The following NOS1AP variants were observed in gnomAD, a reference collection of about 807,000 sequenced individuals.
NOS1AP encodes carboxyl-terminal PDZ ligand of neuronal nitric oxide synthase protein.
A neutral mutation model predicts 56.2 loss-of-function variants in NOS1AP; 21 were observed. The observed-to-expected ratio is 0.37, with a 90% CI of 0.26 to 0.54. The LOEUF is 0.54. Among genes scored for constraint, NOS1AP ranks in the 20% least tolerant of loss-of-function variants. The pLI, the probability that NOS1AP is intolerant of heterozygous loss-of-function variation, is 0.84. For synonymous variants in NOS1AP, 270 were observed against 274.6 expected, an observed-to-expected ratio of 0.98 and a Z score of 0.17; for missense variants, 522 against 657.8, an observed-to-expected ratio of 0.79 and a Z score of 2.26.
intron 1 of NOS1AP, among the ~76,000 whole-genome samples, chr1:162,094,210 C>T (rs1298045785): frequency 2.6e-5 from 4 of 152,192 alleles, no homozygotes; most frequent in Non-Finnish European, 5.9e-5. Flanking sequence ...ACTCTTGCCT[C>T]ACTCTGAAAG....
chr1:162,243,955 G>C (rs1468054617), intron 2 of NOS1AP, among the ~76,000 whole-genome samples: 1 of 152,188 alleles, frequency 6.6e-6, no homozygotes. Context: ...GTGAGTCCCA[G>C]GTTCCCACTA....
At chr1:162,288,475 C>A (rs1456397778) in intron 3 of NOS1AP, among the ~76,000 whole-genome samples, 1 of 152,078 alleles carries the variant, frequency 6.6e-6, no homozygotes, top group African/African-American at 2.4e-5. Context: ...ATTTGAAGAA[C>A]CATATAGCTG....
intron 2 of NOS1AP, among the ~76,000 whole-genome samples, chr1:162,286,744 A>C (rs1645506812): frequency 6.6e-6 from 1 of 152,210 alleles, no homozygotes; most frequent in Non-Finnish European, 1.5e-5. Flanking sequence ...AATATAATTA[A>C]ATAAAACTTA....
At chr1:162,236,233 C>T (rs1321002645) in intron 2 of NOS1AP, among the ~76,000 whole-genome samples, 1 of 152,208 alleles carries the variant, frequency 6.6e-6, no homozygotes, top group East Asian at 1.9e-4. Context: ...ATGCTAGTAG[C>T]TGTCCAACTT....
chr1:162,277,099 C>T (rs1654758881), intron 2 of NOS1AP, among the ~76,000 whole-genome samples: 1 of 152,094 alleles, frequency 6.6e-6, no homozygotes, highest in Non-Finnish European at 1.5e-5. Context: ...AAATAAAGAA[C>T]CCTTGGCTCT....
At chr1:162,303,926 T>A (rs1037264801) in intron 4 of NOS1AP, among the ~76,000 whole-genome samples, 31 of 117,962 alleles carry the variant, frequency 2.6e-4, no homozygotes, top group African/African-American at 8.3e-4. Flanking sequence ...TTTTTTTTTT[T>A]AAATAGTGTC....
intron 2 of NOS1AP, among the ~76,000 whole-genome samples, chr1:162,218,182 T>A (rs188797857): frequency 6.6e-6 from 1 of 152,214 alleles, no homozygotes; most frequent in South Asian, 2.1e-4. Flanking sequence ...AAGATTCTAT[T>A]TGAAGCAGTT....
intron 2 of NOS1AP, among the ~76,000 whole-genome samples, chr1:162,221,719 A>G (rs1652787988): frequency 6.6e-6 from 1 of 152,236 alleles, no homozygotes; most frequent in South Asian, 2.1e-4. Flanking sequence ...GACTGTTAGT[A>G]AATATTAAAT....
rs1052883976 is a variant in NOS1AP, at chr1:162,365,665, T to C, written c.1105+96T>C. On this transcript the variant is annotated intron_variant, in intron 9 of 9. Transcript: ENST00000361897. The stretch of plus-strand genomic sequence containing the variant: ...TTTTGGTGGTGCTTTCTTGGACCCC[T>C]GACCTACCCCTATATTCCAGCAGAA... 4.8e-6 allele frequency: 7 copies of C among 1,451,940 alleles called. No individual in the cohort carries two copies. The Admixed American group carries it at 1.3e-4, about 26-fold the overall frequency. 89.9% of individuals were successfully genotyped at this position (1,451,940 alleles called of 1,614,324 possible).
At chr1:162,292,254 C>T (rs1469563334) in intron 3 of NOS1AP, among the ~76,000 whole-genome samples, 1 of 152,206 alleles carries the variant, frequency 6.6e-6, no homozygotes, top group East Asian at 1.9e-4. Flanking sequence ...TCTCTTTCCC[C>T]CATAGTTTGT....
chr1:162,221,641 A>T (rs1652786500), intron 2 of NOS1AP, among the ~76,000 whole-genome samples: 1 of 152,070 alleles, frequency 6.6e-6, no homozygotes, highest in African/African-American at 2.4e-5. Flanking sequence ...TACTTAAGGC[A>T]GATTACTAAA....
intron 2 of NOS1AP, among the ~76,000 whole-genome samples, chr1:162,228,162 G>A (rs1422888955): frequency 6.6e-6 from 1 of 152,190 alleles, no homozygotes; most frequent in African/African-American, 2.4e-5. Flanking sequence ...GGGCTGGAAA[G>A]TTTGAAGGAG....
At chr1:162,276,311 G>A (rs892466886) in intron 2 of NOS1AP, among the ~76,000 whole-genome samples, 1 of 152,086 alleles carries the variant, frequency 6.6e-6, no homozygotes, top group Non-Finnish European at 1.5e-5. Flanking sequence ...GTGCAGCTTT[G>A]GAGTTACCTA....
intron 2 of NOS1AP, among the ~76,000 whole-genome samples, chr1:162,271,276 G>A (rs991374385): frequency 1.2e-4 from 17 of 147,568 alleles, no homozygotes; most frequent in African/African-American, 4.3e-4. Flanking sequence ...GGAGTCCAGC[G>A]ATGGTACCCC....
chr1:162,125,480 C>G (rs1453153130), intron 1 of NOS1AP, among the ~76,000 whole-genome samples: 1 of 152,056 alleles, frequency 6.6e-6, no homozygotes, highest in African/African-American at 2.4e-5. Context: ...TAGTTTCATT[C>G]TTCTCTACTT....
chr1:162,290,936 T>C (rs1655265984), intron 3 of NOS1AP, among the ~76,000 whole-genome samples: 2 of 152,084 alleles, frequency 1.3e-5, no homozygotes, highest in Non-Finnish European at 2.9e-5. Flanking sequence ...GGATACTCTG[T>C]GCCAGCTCTG....
intron 1 of NOS1AP, among the ~76,000 whole-genome samples, chr1:162,136,735 C>T (rs12090201): frequency 0.24 from 35,756 of 152,070 alleles, 7,829 homozygotes; most frequent in African/African-American, 0.59. Context: ...GGAAGAACCA[C>T]AGTGAGATGT....
At chr1:162,324,856 T>C (rs768930999) in intron 4 of NOS1AP, among the ~76,000 whole-genome samples, 1 of 152,168 alleles carries the variant, frequency 6.6e-6, no homozygotes, top group Non-Finnish European at 1.5e-5. Context: ...TCTCTCGAGG[T>C]CTCTCCCAGC....
intron 2 of NOS1AP, among the ~76,000 whole-genome samples, chr1:162,165,354 A>T (rs1417836495): frequency 6.6e-6 from 1 of 152,154 alleles, no homozygotes; most frequent in Non-Finnish European, 1.5e-5. Flanking sequence ...AACTAATTAC[A>T]TTGTTGTTCT....
Sources: gnomAD v4.1 joint callset for allele counts (sites outside exome capture counted in the v4.1 genomes callset) on GRCh38, gnomAD v4.1.1 for gene constraint, MANE v1.5 for transcripts, NCBI Gene and HGNC (gene_info 2026-07-23, HGNC 2026-07-21) for gene names.